The following MKLN1 variants were observed in gnomAD, a reference collection of about 807,000 sequenced individuals.
The protein encoded by MKLN1 is muskelin 1.
In MKLN1, 18 loss-of-function variants were observed where a neutral mutation model predicts 99.0. The ratio of observed to expected loss-of-function variants is 0.18; its 90% confidence interval spans 0.13 to 0.27. MKLN1 has a LOEUF of 0.27. Among genes scored for constraint, MKLN1 ranks in the 10% least tolerant of loss-of-function variants. The pLI is 1.00. For missense variants in MKLN1, 621 were observed against 875.9 expected (o/e 0.71, Z 3.67); for synonymous variants, 288 against 293.2 (o/e 0.98, Z 0.18).
chr7:131,204,176 G>A (rs1161314378), intron 3 of MKLN1, among the ~76,000 whole-genome samples: 4 of 152,132 alleles, frequency 2.6e-5, no homozygotes, highest in Admixed American at 2.0e-4. Flanking sequence ...AGTACTTCCT[G>A]GTTACCTGTT....
intron 1 of MKLN1, among the ~76,000 whole-genome samples, chr7:131,116,505 ATCAAT>A (rs1284197280): frequency 2.6e-5 from 4 of 152,126 alleles, no homozygotes; most frequent in African/African-American, 9.7e-5. Flanking sequence ...ACTTCTGCAA[ATCAAT>A]TCACACATTC....
upstream of MKLN1, chr7:131,327,818 C>A: frequency 1.3e-6 from 2 of 1,521,722 alleles, no homozygotes; most frequent in East Asian, 2.4e-5. Flanking sequence ...AGGGCGGCGG[C>A]CCCTTTAAGA....
At chr7:131,452,864 T>C (rs909295476) in intron 12 of MKLN1, among the ~76,000 whole-genome samples, 1 of 152,184 alleles carries the variant, frequency 6.6e-6, no homozygotes, top group African/African-American at 2.4e-5. Context: ...TTTTATACTT[T>C]TACCAATTAA....
intron 12 of MKLN1, among the ~76,000 whole-genome samples, chr7:131,457,168 T>A (rs1310830460): frequency 1.3e-5 from 2 of 151,602 alleles, no homozygotes; most frequent in Non-Finnish European, 1.5e-5. Context: ...TCCCAGCTAC[T>A]CGGGAGGCTG....
chr7:131,412,630 A>G (rs1295548309), intron 7 of MKLN1, among the ~76,000 whole-genome samples: 1 of 152,182 alleles, frequency 6.6e-6, no homozygotes, highest in South Asian at 2.1e-4. Flanking sequence ...GATCCAGAGT[A>G]TAGTCTTCTT....
At chr7:131,156,447 C>CAAAAAAAAAAAAAA (rs143988738) in intron 2 of MKLN1, among the ~76,000 whole-genome samples, 1 of 74,672 alleles carries the variant, frequency 1.3e-5, no homozygotes, top group Non-Finnish European at 2.4e-5. Flanking sequence ...GACTCTGTCT[C>CAAAAAAAAAAAAAA]AAAAAAAAAA....
chr7:131,285,952 A>G (rs1798124848), intron 3 of MKLN1, among the ~76,000 whole-genome samples: 1 of 142,550 alleles, frequency 7.0e-6, no homozygotes. Context: ...CTCAGCATCT[A>G]TGGACTTTTT....
At chr7:131,300,651 C>T (rs1345118606) in intron 3 of MKLN1, among the ~76,000 whole-genome samples, 1 of 147,954 alleles carries the variant, frequency 6.8e-6, no homozygotes, top group African/African-American at 2.5e-5. Flanking sequence ...CACGCCACTG[C>T]ACTCCAGTGT....
chr7:131,424,245 C>A (rs1404565907), intron 8 of MKLN1, among the ~76,000 whole-genome samples: 5 of 151,604 alleles, frequency 3.3e-5, no homozygotes, highest in Admixed American at 3.3e-4. Context: ...CTCTCGGTGT[C>A]TTAACTAAGA....
At chr7:131,242,922 C>A (rs777874550) in intron 3 of MKLN1, 1 of 656,436 alleles carries the variant, frequency 1.5e-6, no homozygotes, top group South Asian at 1.4e-5. Flanking sequence ...ACACAAGGCC[C>A]GATGAGAGGC....
At chr7:131,277,804 T>C (rs1330193887) in intron 3 of MKLN1, among the ~76,000 whole-genome samples, 2 of 152,228 alleles carry the variant, frequency 1.3e-5, no homozygotes, top group African/African-American at 4.8e-5. Flanking sequence ...AAGACAAATA[T>C]TTAAGGTGAT....
intron 3 of MKLN1, among the ~76,000 whole-genome samples, chr7:131,205,068 A>G (rs2029222): frequency 0.27 from 40,686 of 151,672 alleles, 6,099 homozygotes; most frequent in African/African-American, 0.41. Flanking sequence ...ACTGCACTCC[A>G]GCCTGGGCAA....
chr7:131,422,917 C>T (rs1328233935), intron 8 of MKLN1, among the ~76,000 whole-genome samples: 2 of 152,178 alleles, frequency 1.3e-5, no homozygotes, highest in Non-Finnish European at 2.9e-5. Flanking sequence ...ATTTGTCCTA[C>T]TGGATCAGTT....
chr7:131,420,506 T>C (rs907121533), intron 8 of MKLN1, among the ~76,000 whole-genome samples: 3 of 152,176 alleles, frequency 2.0e-5, no homozygotes, highest in African/African-American at 7.2e-5. Context: ...GGTGGGTTGT[T>C]CAGCAACTTG....
intron 2 of MKLN1, among the ~76,000 whole-genome samples, chr7:131,189,980 G>A (rs1422566398): frequency 6.6e-6 from 1 of 152,096 alleles, no homozygotes; most frequent in African/African-American, 2.4e-5. Flanking sequence ...TTAACCTTGG[G>A]TGGGTCACAA....
chr7:131,159,445 G>A (rs1796015024), intron 2 of MKLN1, among the ~76,000 whole-genome samples: 2 of 152,146 alleles, frequency 1.3e-5, no homozygotes, highest in African/African-American at 4.8e-5. Context: ...AGGTCATTTT[G>A]TTAAGTGAAA....
chr7:131,240,350 A>G (rs1426462638), intron 3 of MKLN1, among the ~76,000 whole-genome samples: 1 of 152,196 alleles, frequency 6.6e-6, no homozygotes, highest in African/African-American at 2.4e-5. Flanking sequence ...TCTACTAGTA[A>G]TCGTGTCTAA....
At position 131,487,765 on chromosome 7, in the gene MKLN1, G is replaced by A. The variant is rs373003032; in HGVS notation, c.*37G>A. 1.6e-5 allele frequency: 26 copies of A among 1,602,918 alleles called. No individual in the cohort carries two copies. In the East Asian group the frequency reaches 2.7e-4, roughly 17 times the overall value. ...CTGGACACAGAAATGGAAAACAGGA[G>A]TCGATTTTCCGTCTTTTGGATTGCA... On this transcript the variant is annotated 3_prime_UTR_variant, in exon 18 of 18. Transcript: ENST00000352689. The surrounding 1 kb of genome is among the most constrained non-coding windows in gnomAD (Gnocchi z 4.7).
chr7:131,275,557 ATATATATATATT>A (rs1460108911), intron 3 of MKLN1, among the ~76,000 whole-genome samples: 4 of 15,664 alleles, frequency 2.6e-4, no homozygotes, highest in East Asian at 2.0e-3. Context: ...ATATATATAT[ATATATATATATT>A]TTTTTTTTTT....
Sources: gnomAD v4.1 joint callset for allele counts (sites outside exome capture counted in the v4.1 genomes callset) on GRCh38, gnomAD v4.1.1 for gene constraint, Gnocchi (gnomAD v3.1) non-coding constraint, MANE v1.5 for transcripts, NCBI Gene and HGNC (gene_info 2026-07-23, HGNC 2026-07-21) for gene names.